The following MAGI3 variants were observed in gnomAD, a reference collection of about 807,000 sequenced individuals.
MAGI3 encodes membrane-associated guanylate kinase, WW and PDZ domain-containing protein 3.
MAGI3 carries 43 observed loss-of-function variants against 121.8 expected under a neutral mutation model. That is an observed-to-expected ratio of 0.35 (90% CI 0.28 to 0.46). The LOEUF is 0.46. Among genes scored for constraint, MAGI3 ranks in the 20% least tolerant of loss-of-function variants. The probability of loss-of-function intolerance (pLI) is 1.00; values close to 1 mark genes in which losing one functional copy is unlikely to be tolerated. For synonymous variants in MAGI3, 553 were observed against 639.3 expected (o/e 0.86, Z 2.04); for missense variants, 1,547 against 1,797.3 (o/e 0.86, Z 2.52).
At chr1:113,549,975 G>T (rs1030262802) in intron 2 of MAGI3, among the ~76,000 whole-genome samples, 23 of 151,692 alleles carry the variant, frequency 1.5e-4, no homozygotes, top group African/African-American at 5.6e-4. Flanking sequence ...AATTAGCCGA[G>T]TGTGGTGGCG....
intron 14 of MAGI3, among the ~76,000 whole-genome samples, chr1:113,652,314 C>T (rs1038367796): frequency 6.6e-6 from 1 of 152,098 alleles, no homozygotes; most frequent in African/African-American, 2.4e-5. Flanking sequence ...GCTGTAAGCT[C>T]GGCACCTAAA....
chr1:113,487,530 C>T (rs1185181729), intron 1 of MAGI3, among the ~76,000 whole-genome samples: 1 of 151,790 alleles, frequency 6.6e-6, no homozygotes, highest in East Asian at 1.9e-4. Context: ...TAATGGAACA[C>T]TAGGCATAAA....
At chr1:113,623,466 A>ACACACG (rs1650989382) in intron 9 of MAGI3, among the ~76,000 whole-genome samples, 2 of 33,090 alleles carry the variant, frequency 6.0e-5, no homozygotes, top group Non-Finnish European at 1.1e-4. Flanking sequence ...ACACACACAC[A>ACACACG]CACACACACA....
intron 2 of MAGI3, among the ~76,000 whole-genome samples, chr1:113,562,012 A>G (rs1660257407): frequency 6.6e-6 from 1 of 152,260 alleles, no homozygotes; most frequent in Non-Finnish European, 1.5e-5. Context: ...ACTCCCATTC[A>G]CAATTGCCAT....
chr1:113,463,960 G>C (rs74959444), intron 1 of MAGI3, among the ~76,000 whole-genome samples: 2,151 of 151,880 alleles, frequency 0.014, 19 homozygotes, highest in Non-Finnish European at 0.022. Context: ...AGTGTTCTTG[G>C]GATATTCATC....
At chr1:113,517,287 G>A (rs553868682) in intron 1 of MAGI3, among the ~76,000 whole-genome samples, 23 of 151,518 alleles carry the variant, frequency 1.5e-4, no homozygotes, top group African/African-American at 5.3e-4. Flanking sequence ...CTATCTTTAC[G>A]ATTTTTCTGT....
intron 1 of MAGI3, among the ~76,000 whole-genome samples, chr1:113,454,195 T>C (rs755737104): frequency 6.6e-6 from 1 of 152,238 alleles, no homozygotes; most frequent in Non-Finnish European, 1.5e-5. Flanking sequence ...ATTTGGTTGA[T>C]AATTATTATT....
intron 1 of MAGI3, among the ~76,000 whole-genome samples, chr1:113,474,091 T>A (rs1247554128): frequency 1.3e-5 from 2 of 152,210 alleles, no homozygotes; most frequent in Non-Finnish European, 2.9e-5. Context: ...GTTCTTATCC[T>A]TTGCCCACTT....
At chr1:113,520,246 CT>C (rs879719505) in intron 1 of MAGI3, among the ~76,000 whole-genome samples, 177 of 144,056 alleles carry the variant, frequency 1.2e-3, no homozygotes, top group African/African-American at 2.9e-3. Context: ...TATATTGAGA[CT>C]TTTTTTTTTT....
At chr1:113,677,485 G>T (rs543082465) in intron 19 of MAGI3, among the ~76,000 whole-genome samples, 3 of 152,168 alleles carry the variant, frequency 2.0e-5, no homozygotes, top group Non-Finnish European at 4.4e-5. Flanking sequence ...CGGTTCATGT[G>T]CTTTCCGCTA....
intron 6 of MAGI3, among the ~76,000 whole-genome samples, chr1:113,611,215 T>G (rs1650113181): frequency 6.6e-6 from 1 of 151,594 alleles, no homozygotes; most frequent in African/African-American, 2.4e-5. Flanking sequence ...GCCTCCTGAG[T>G]AGCTGAGATT....
At chr1:113,419,971 C>T (rs1652651336) in intron 1 of MAGI3, among the ~76,000 whole-genome samples, 1 of 152,090 alleles carries the variant, frequency 6.6e-6, no homozygotes, top group African/African-American at 2.4e-5. Context: ...TCACTTTGAC[C>T]CTCCTACTAC....
intron 2 of MAGI3, among the ~76,000 whole-genome samples, chr1:113,552,442 T>G (rs1659824942): frequency 6.6e-6 from 1 of 152,188 alleles, no homozygotes; most frequent in South Asian, 2.1e-4. Flanking sequence ...GCAATCTAAT[T>G]TTCATTCCTT....
chr1:113,413,576 C>T (rs1652125736), intron 1 of MAGI3, among the ~76,000 whole-genome samples: 1 of 152,040 alleles, frequency 6.6e-6, no homozygotes, highest in African/African-American at 2.4e-5. Flanking sequence ...TGTAGTTCTC[C>T]TTGAAGAGGT....
chr1:113,488,080 A>AT (rs201480240), intron 1 of MAGI3, among the ~76,000 whole-genome samples: 1,663 of 151,992 alleles, frequency 0.011, 18 homozygotes, highest in Middle Eastern at 0.037. Context: ...ATTTTACATG[A>AT]TTTTTTTCTT....
intron 8 of MAGI3, among the ~76,000 whole-genome samples, chr1:113,622,231 T>A (rs1273556644): frequency 6.6e-6 from 1 of 152,178 alleles, no homozygotes; most frequent in Non-Finnish European, 1.5e-5. Context: ...ACTTTCCTAA[T>A]GGCAGGCATG....
intron 8 of MAGI3, among the ~76,000 whole-genome samples, chr1:113,620,992 T>C (rs1650783003): frequency 6.6e-6 from 1 of 152,206 alleles, no homozygotes; most frequent in Admixed American, 6.5e-5. Context: ...AATAGACATG[T>C]ACAAGTTACA....
At chr1:113,650,079 TG>T (rs1342319505) in intron 13 of MAGI3, among the ~76,000 whole-genome samples, 1 of 152,012 alleles carries the variant, frequency 6.6e-6, no homozygotes, top group African/African-American at 2.4e-5. Flanking sequence ...AAAATATGGT[TG>T]GAAGTTAGGT....
chr1:113,568,033 A>T (rs1660504741), intron 2 of MAGI3, among the ~76,000 whole-genome samples: 1 of 152,112 alleles, frequency 6.6e-6, no homozygotes, highest in Non-Finnish European at 1.5e-5. Context: ...AAATTAATGT[A>T]TGATTCCATT....
Sources: gnomAD v4.1 joint callset for allele counts (sites outside exome capture counted in the v4.1 genomes callset) on GRCh38, gnomAD v4.1.1 for gene constraint, MANE v1.5 for transcripts, NCBI Gene and HGNC (gene_info 2026-07-23, HGNC 2026-07-21) for gene names.